The following SPATA6 variants were observed in gnomAD, a reference collection of about 807,000 sequenced individuals.
The protein encoded by SPATA6 is spermatogenesis associated 6.
SPATA6 carries 56 observed loss-of-function variants against 65.3 expected under a neutral mutation model. That is an observed-to-expected ratio of 0.86 (90% CI 0.69 to 1.07). SPATA6 has a LOEUF of 1.07. SPATA6 is among the 50% of genes least tolerant of loss of function. The probability of loss-of-function intolerance (pLI) is 0.00; values close to 1 mark genes in which losing one functional copy is unlikely to be tolerated. For synonymous variants in SPATA6, 199 were observed against 213.2 expected, an observed-to-expected ratio of 0.93 and a Z score of 0.58; for missense variants, 590 against 594.8, an observed-to-expected ratio of 0.99 and a Z score of 0.08.
chr1:48,423,349 G>C (rs1436874740), intron 3 of SPATA6, among the ~76,000 whole-genome samples: 3 of 151,466 alleles, frequency 2.0e-5, no homozygotes, highest in Admixed American at 6.6e-5. Flanking sequence ...CCAGCTACTC[G>C]GGAAGCTGAG....
At chr1:48,367,937 T>C (rs1252488125) in intron 9 of SPATA6, among the ~76,000 whole-genome samples, 1 of 152,230 alleles carries the variant, frequency 6.6e-6, no homozygotes, top group African/African-American at 2.4e-5. Context: ...CTGATACCAG[T>C]TGTTCCTTTC....
chr1:48,442,686 ACAAGT>A (rs1374343069), intron 3 of SPATA6, among the ~76,000 whole-genome samples: 1 of 143,600 alleles, frequency 7.0e-6, no homozygotes, highest in Non-Finnish European at 1.5e-5. Flanking sequence ...AAAGAGAAAG[ACAAGT>A]CAAAGAGAAA....
At chr1:48,358,303 G>A (rs1226865403) in intron 10 of SPATA6, among the ~76,000 whole-genome samples, 1 of 151,618 alleles carries the variant, frequency 6.6e-6, no homozygotes, top group Non-Finnish European at 1.5e-5. Context: ...GGAGAGTTCT[G>A]CAAAATATGT....
chr1:48,267,917 A>G, the SPATA6 span, among the ~76,000 whole-genome samples: 1 of 151,354 alleles, frequency 6.6e-6, no homozygotes, highest in Admixed American at 6.6e-5. Context: ...ACGCTTGGCT[A>G]ATTTTTTGTA....
the SPATA6 span, among the ~76,000 whole-genome samples, chr1:48,281,527 T>C: frequency 1.3e-5 from 2 of 152,092 alleles, no homozygotes; most frequent in Non-Finnish European, 2.9e-5. Flanking sequence ...ACAAGTATTC[T>C]TATACACCAA....
At chr1:48,369,638 T>C (rs1317697995) in intron 9 of SPATA6, among the ~76,000 whole-genome samples, 1 of 152,220 alleles carries the variant, frequency 6.6e-6, no homozygotes, top group African/African-American at 2.4e-5. Context: ...AAAAGCGCAG[T>C]AGTGGGGTGG....
intron 7 of SPATA6, 199 bp downstream of exon 7, chr1:48,399,152 T>C (rs1238752655): frequency 1.7e-6 from 1 of 576,080 alleles, no homozygotes; most frequent in Non-Finnish European, 2.9e-6. Context: ...CACAGCTTGA[T>C]CTCTGTCAGG....
chr1:48,453,157 G>A (rs755829104), intron 1 of SPATA6, 26 bp from the exon 2 acceptor site: 6 of 1,596,796 alleles, frequency 3.8e-6, no homozygotes, highest in East Asian at 4.5e-5. Context: ...TAAAATGGAT[G>A]TAACTGCTTT....
the SPATA6 span, among the ~76,000 whole-genome samples, chr1:48,277,099 C>CTTTTTTTTTTTT: frequency 1.0e-4 from 13 of 126,440 alleles, no homozygotes; most frequent in African/African-American, 2.3e-4. Flanking sequence ...TTGTTTTTTG[C>CTTTTTTTTTTTT]TTTTTTTTTT....
intron 9 of SPATA6, among the ~76,000 whole-genome samples, chr1:48,363,581 T>C (rs1646887353): frequency 6.6e-6 from 1 of 152,122 alleles, no homozygotes; most frequent in Non-Finnish European, 1.5e-5. Flanking sequence ...ATAGCATTTA[T>C]ACTTCAGCAT....
intron 3 of SPATA6, among the ~76,000 whole-genome samples, chr1:48,423,462 G>GA (rs575119937): frequency 0.14 from 13,858 of 96,348 alleles, 673 homozygotes; most frequent in Middle Eastern, 0.18. Context: ...ATCTCAAAAA[G>GA]AAAAAAAAAA....
At chr1:48,463,459 T>TA (rs746223215) in intron 1 of SPATA6, among the ~76,000 whole-genome samples, 42 of 152,230 alleles carry the variant, frequency 2.8e-4, no homozygotes, top group Admixed American at 4.6e-4. Flanking sequence ...GAAATCATAA[T>TA]AAAAATTATA....
At chr1:48,323,834 C>T (rs189889492) in intron 11 of SPATA6, among the ~76,000 whole-genome samples, 25 of 152,152 alleles carry the variant, frequency 1.6e-4, no homozygotes, top group Admixed American at 1.2e-3. Context: ...TAGACTAATA[C>T]GTAATAATAT....
chr1:48,306,081 T>C (rs775775576), intron 11 of SPATA6, among the ~76,000 whole-genome samples: 7 of 152,048 alleles, frequency 4.6e-5, no homozygotes, highest in Non-Finnish European at 8.8e-5. Context: ...AGTTTTATTA[T>C]AGTTTTTGCT....
chr1:48,314,224 T>A (rs1024113902), intron 11 of SPATA6, among the ~76,000 whole-genome samples: 2 of 152,170 alleles, frequency 1.3e-5, no homozygotes, highest in Non-Finnish European at 2.9e-5. Flanking sequence ...CCACCCCGAA[T>A]CAACAGAATA....
chr1:48,445,860 C>A (rs140447642), intron 3 of SPATA6, among the ~76,000 whole-genome samples: 2 of 151,842 alleles, frequency 1.3e-5, no homozygotes, highest in African/African-American at 4.8e-5. Context: ...AGATGTGAGG[C>A]CTGAGACCAC....
downstream of SPATA6, among the ~76,000 whole-genome samples, chr1:48,292,781 C>T (rs1431738437): frequency 6.6e-6 from 1 of 152,252 alleles, no homozygotes; most frequent in Non-Finnish European, 1.5e-5. Context: ...TGTGCATGCA[C>T]ATGCCCATGA....
intron 11 of SPATA6, among the ~76,000 whole-genome samples, chr1:48,337,944 T>G (rs559187752): frequency 6.6e-6 from 1 of 152,082 alleles, no homozygotes; most frequent in South Asian, 2.1e-4. Context: ...AAAAACTCAG[T>G]GGGTTCTGGC....
chr1:48,307,392 A>G (rs1391843269), intron 11 of SPATA6, among the ~76,000 whole-genome samples: 1 of 148,306 alleles, frequency 6.7e-6, no homozygotes, highest in Non-Finnish European at 1.5e-5. Context: ...AATCATATAC[A>G]TTTATATTCA....
Sources: gnomAD v4.1 joint callset for allele counts (sites outside exome capture counted in the v4.1 genomes callset) on GRCh38, gnomAD v4.1.1 for gene constraint, MANE v1.5 for transcripts, NCBI Gene and HGNC (gene_info 2026-07-23, HGNC 2026-07-21) for gene names.